The following MMP26 variants were observed in gnomAD, a reference collection of about 807,000 sequenced individuals.
MMP26 encodes the protein matrix metallopeptidase 26.
MMP26 carries 33 observed loss-of-function variants against 31.0 expected under a neutral mutation model. That is an observed-to-expected ratio of 1.06 (90% CI 0.81 to 1.42). The LOEUF (loss-of-function observed/expected upper bound fraction) is 1.42. Ranked by LOEUF, MMP26 falls within the 40% of genes most tolerant of loss-of-function variation. The probability of loss-of-function intolerance (pLI) is 0.00; values close to 1 mark genes in which losing one functional copy is unlikely to be tolerated. For missense variants in MMP26, 347 were observed against 316.1 expected (o/e 1.10, Z -0.74); for synonymous variants, 122 against 114.9 (o/e 1.06, Z -0.40).
chr11:4,839,212 C>G (rs778653652), intron 2 of MMP26, among the ~76,000 whole-genome samples: 3 of 152,036 alleles, frequency 2.0e-5, no homozygotes, highest in Non-Finnish European at 4.4e-5. Flanking sequence ...ACCTCACCAC[C>G]ACAGACCAAA....
intron 2 of MMP26, chr11:4,822,163 A>C (rs1849517092): frequency 6.2e-7 from 1 of 1,611,818 alleles, no homozygotes; most frequent in Admixed American, 1.7e-5. Context: ...ATCCCACATC[A>C]GTGCTGTTTC....
chr11:4,729,396 C>A (rs767787683), intron 1 of MMP26, among the ~76,000 whole-genome samples: 30 of 152,086 alleles, frequency 2.0e-4, no homozygotes, highest in Non-Finnish European at 3.7e-4. Flanking sequence ...AGCTGTGACA[C>A]CCTGACAGAA....
intron 2 of MMP26, chr11:4,923,994 C>A: frequency 6.2e-7 from 1 of 1,614,156 alleles, no homozygotes; most frequent in Non-Finnish European, 8.5e-7. Flanking sequence ...GATAACAGAA[C>A]TGATGACTCC....
chr11:4,869,562 G>A (rs1190568038), intron 2 of MMP26, among the ~76,000 whole-genome samples: 3 of 152,114 alleles, frequency 2.0e-5, no homozygotes, highest in Non-Finnish European at 4.4e-5. Flanking sequence ...AAAAAGTCAG[G>A]AAACAACAGG....
rs1468343358 is a variant in MMP26, at chr11:4,989,863, T to A, written c.315T>A (p.Thr105=). The A allele has an allele frequency of 5.6e-6, 9 of 1,606,320 alleles. No homozygotes were observed. Among genetic ancestry groups the A allele is most frequent in the Admixed American group, 1.7e-5 (1 of 59,996 alleles). ...GRCKWNKHTL[T]YRIINYPHDM... ...GCAAGTGGAATAAGCACACTCTAAC[T>A]TACAGGTGCTTGTTACTAAGGCCTA... The change falls in exon 4 of 8, where the codon ACT becomes ACA. Residue 105 remains threonine, a synonymous_variant. Transcript: ENST00000380390.
intron 2 of MMP26, among the ~76,000 whole-genome samples, chr11:4,917,846 A>G (rs1468845760): frequency 6.6e-6 from 1 of 152,062 alleles, no homozygotes; most frequent in Non-Finnish European, 1.5e-5. Context: ...ATGTTCCATA[A>G]TTACTATTGT....
At chr11:4,816,198 T>G (rs918263741) in intron 2 of MMP26, among the ~76,000 whole-genome samples, 10 of 152,340 alleles carry the variant, frequency 6.6e-5, no homozygotes, top group Admixed American at 3.3e-4. Context: ...TTATATTGAT[T>G]TCTAGTTTTG....
intron 2 of MMP26, among the ~76,000 whole-genome samples, chr11:4,977,430 T>C (rs1846752660): frequency 6.6e-6 from 1 of 152,092 alleles, no homozygotes; most frequent in African/African-American, 2.4e-5. Context: ...TGACGGGCCA[T>C]TGGATGTAGT....
intron 2 of MMP26, 27 bp from the exon 3 acceptor site, chr11:4,988,041 G>T: frequency 1.5e-6 from 1 of 660,666 alleles, no homozygotes; most frequent in South Asian, 1.7e-5. Flanking sequence ...TGTCACCCTT[G>T]CATGCTGGTC....
chr11:4,860,925 CAT>C (rs1276237741), intron 2 of MMP26, among the ~76,000 whole-genome samples: 1 of 151,890 alleles, frequency 6.6e-6, no homozygotes, highest in Non-Finnish European at 1.5e-5. Context: ...ATCTTAATAA[CAT>C]AGAGCATATT....
chr11:4,764,683 C>G (rs891036000), intron 1 of MMP26, among the ~76,000 whole-genome samples: 1 of 152,202 alleles, frequency 6.6e-6, no homozygotes, highest in South Asian at 2.1e-4. Flanking sequence ...ATCTTGGCTA[C>G]TAACACGGTG....
At chr11:4,980,208 C>A (rs1329875363) in intron 2 of MMP26, among the ~76,000 whole-genome samples, 1 of 151,978 alleles carries the variant, frequency 6.6e-6, no homozygotes, top group Non-Finnish European at 1.5e-5. Flanking sequence ...GGGTCAGTTA[C>A]CCTTGAAAAT....
chr11:4,988,947 T>C (rs1309328882), intron 3 of MMP26, among the ~76,000 whole-genome samples: 3 of 152,008 alleles, frequency 2.0e-5, no homozygotes, highest in Non-Finnish European at 4.4e-5. Context: ...AGTCATATAA[T>C]TTAAAAAAAA....
intron 2 of MMP26, among the ~76,000 whole-genome samples, chr11:4,962,528 G>C (rs762235499): frequency 3.3e-5 from 5 of 152,190 alleles, no homozygotes; most frequent in Non-Finnish European, 2.9e-5. Context: ...GATGCCCATT[G>C]CAAGCTCAGT....
chr11:4,758,462 T>C (rs1416725593), intron 1 of MMP26, among the ~76,000 whole-genome samples: 8 of 128,174 alleles, frequency 6.2e-5, no homozygotes, highest in Non-Finnish European at 1.3e-4. Flanking sequence ...TGATCATCCA[T>C]TTGGAAAAAA....
intron 2 of MMP26, among the ~76,000 whole-genome samples, chr11:4,851,376 C>G (rs745854957): frequency 6.6e-6 from 1 of 152,050 alleles, no homozygotes; most frequent in Non-Finnish European, 1.5e-5. Flanking sequence ...GGTTCTGGTC[C>G]TCTTTGGGGT....
chr11:4,706,219 G>C (rs1330256388), intron 1 of MMP26, among the ~76,000 whole-genome samples: 1 of 151,828 alleles, frequency 6.6e-6, no homozygotes, highest in East Asian at 1.9e-4. Context: ...TAATCTGTTG[G>C]GTTTTTCTTT....
At chr11:4,738,951 A>G (rs1306880148) in intron 1 of MMP26, among the ~76,000 whole-genome samples, 2 of 151,134 alleles carry the variant, frequency 1.3e-5, no homozygotes, top group African/African-American at 4.9e-5. Context: ...TTTAACCCGT[A>G]CCTTGCTAGA....
intron 1 of MMP26, among the ~76,000 whole-genome samples, chr11:4,706,577 C>CAAAAAAAAAAAAAAAAAAAAAAAAA (rs71050423): frequency 2.3e-5 from 2 of 87,566 alleles, no homozygotes; most frequent in African/African-American, 4.7e-5. Flanking sequence ...GACCCTATCT[C>CAAAAAAAAAAAAAAAAAAAAAAAAA]AAAAAAAAAA....
Sources: gnomAD v4.1 joint callset for allele counts (sites outside exome capture counted in the v4.1 genomes callset) on GRCh38, gnomAD v4.1.1 for gene constraint, MANE v1.5 for transcripts, NCBI Gene and HGNC (gene_info 2026-07-23, HGNC 2026-07-21) for gene names.